The following MAP3K20 variants were observed in gnomAD, a reference collection of about 807,000 sequenced individuals.
MAP3K20 encodes the protein HCCS-4.
In MAP3K20, 40 loss-of-function variants were observed where a neutral mutation model predicts 85.7. The observed-to-expected ratio is 0.47, with a 90% CI of 0.36 to 0.61. The LOEUF is 0.61. Ranked by LOEUF, MAP3K20 falls within the 20% of genes least tolerant of loss-of-function variation. MAP3K20 has a pLI of 0.00. For missense variants in MAP3K20, 817 were observed against 961.7 expected (o/e 0.85, Z 1.99); for synonymous variants, 325 against 327.7 (o/e 0.99, Z 0.09).
intron 16 of MAP3K20, among the ~76,000 whole-genome samples, chr2:173,251,312 C>T (rs1404667971): frequency 6.6e-6 from 1 of 152,054 alleles, no homozygotes; most frequent in African/African-American, 2.4e-5. Flanking sequence ...GTTGATTTTA[C>T]TTTTTCTCCA....
rs1685446965 is a variant in MAP3K20 at position 173,267,252 on chromosome 2, TAAA to T, written c.*504_*506del. The T allele has an allele frequency of 6.6e-6, 1 of 152,254 alleles. No homozygotes were observed. Among genetic ancestry groups the T allele is most frequent in the South Asian group, 2.1e-4 (1 of 4,830 alleles). The allele number at this position is 152,254 out of a possible 1,614,324, so 9.4% of individuals were successfully genotyped here. On this transcript the variant is annotated 3_prime_UTR_variant, in exon 20 of 20. Transcript: ENST00000375213. ...GCATTTATTTTTTTAAATATTGCAT[TAAA>T]ATATCATTTAGCTTGATTATCGAGT... is the stretch of plus-strand genomic sequence containing the variant.
rs372996107 is a variant in MAP3K20, at chr2:173,242,758, G to A, written c.1359+3262G>A. Among the ~76,000 whole-genome samples the A allele has an allele frequency of 1.0e-3, 141 of 138,120 alleles. 4 individuals carry two copies. In the South Asian group the frequency reaches 0.032, roughly 32 times the overall value. The allele number at this position is 138,120 out of a possible 152,430, so 90.6% of individuals were successfully genotyped here. On this transcript the variant is annotated intron_variant, in intron 16 of 19. Coordinates refer to ENST00000375213, the MANE Select transcript of MAP3K20 (RefSeq NM_016653.3). The stretch of plus-strand genomic sequence containing the variant: ...GTCTCCTTCTGTTGCCCAGGCTGGA[G>A]TGCAGTGGTGCAATCTCGGCTCACT...
At position 173,217,111 on chromosome 2, in the gene MAP3K20, G is replaced by A; in HGVS notation, c.852-4G>A. The A allele has an allele frequency of 6.5e-7, 1 of 1,549,666 alleles. No homozygotes were observed. Among genetic ancestry groups the A allele is most frequent in the Non-Finnish European group, 8.7e-7 (1 of 1,146,484 alleles). ...TGAGACTTACACCAGCTATCCCCGT[G>A]CAGGTGCGAAATTGAGGCAACTCTT... On this transcript the variant is annotated splice_region_variant and splice_polypyrimidine_tract_variant and intron_variant, in intron 10 of 19. Transcript: ENST00000375213.
At chr2:173,178,414 C>T (rs1342170959) in intron 3 of MAP3K20, among the ~76,000 whole-genome samples, 1 of 152,152 alleles carries the variant, frequency 6.6e-6, no homozygotes, top group East Asian at 1.9e-4. Context: ...GAGGCCAAGG[C>T]AGGCAGATCA....
intron 16 of MAP3K20, among the ~76,000 whole-genome samples, chr2:173,256,510 TAGATAGATAGATAGATAGATAGACAGAC>T (rs1685164452): frequency 7.7e-6 from 1 of 130,148 alleles, no homozygotes; most frequent in Non-Finnish European, 1.6e-5. Context: ...GATAGATAGA[TAGATAGATAGATAGATAGATAGACAGAC>T]AGACAGACAG....
chr2:173,231,204 C>T (rs895943488), intron 12 of MAP3K20, among the ~76,000 whole-genome samples: 1 of 152,222 alleles, frequency 6.6e-6, no homozygotes, highest in East Asian at 1.9e-4. Context: ...ATCTGTTTAC[C>T]TAGCTCAACC....
intron 1 of MAP3K20, among the ~76,000 whole-genome samples, chr2:173,079,061 A>G (rs1686942882): frequency 6.6e-6 from 1 of 152,172 alleles, no homozygotes; most frequent in South Asian, 2.1e-4. Flanking sequence ...CTGTGTTGTT[A>G]CGTGATGTTG....
At chr2:173,129,027 G>T (rs1356294179) in intron 2 of MAP3K20, among the ~76,000 whole-genome samples, 1 of 149,630 alleles carries the variant, frequency 6.7e-6, no homozygotes, top group African/African-American at 2.5e-5. Flanking sequence ...GGGTTCAAGC[G>T]ATTGTCCTGC....
intron 11 of MAP3K20, among the ~76,000 whole-genome samples, chr2:173,228,463 G>A (rs1046755983): frequency 6.6e-6 from 1 of 152,086 alleles, no homozygotes; most frequent in African/African-American, 2.4e-5. Flanking sequence ...GAATACATCT[G>A]TCTATGGTAT....
intron 2 of MAP3K20, among the ~76,000 whole-genome samples, chr2:173,133,428 GTCAT>G (rs1222146579): frequency 6.6e-6 from 1 of 152,154 alleles, no homozygotes; most frequent in Non-Finnish European, 1.5e-5. Context: ...GAGAGTGAGA[GTCAT>G]TCAGGGACTG....
intron 2 of MAP3K20, among the ~76,000 whole-genome samples, chr2:173,132,878 G>A (rs1688657539): frequency 1.3e-5 from 2 of 152,342 alleles, no homozygotes; most frequent in South Asian, 4.1e-4. Flanking sequence ...TTAGCACAGT[G>A]CCTAGCACAT....
chr2:173,194,015 T>C (rs1690744049), intron 7 of MAP3K20, among the ~76,000 whole-genome samples: 1 of 152,148 alleles, frequency 6.6e-6, no homozygotes, highest in South Asian at 2.1e-4. Context: ...CACCCCATCA[T>C]GTGATGTGGA....
intron 1 of MAP3K20, 84 bp from the exon 2 acceptor site, chr2:173,090,914 C>G: frequency 7.0e-7 from 1 of 1,438,382 alleles, no homozygotes; most frequent in Non-Finnish European, 9.1e-7. Context: ...AGGACTCGTT[C>G]ATGATATATT....
At position 173,241,286 on chromosome 2, in the gene MAP3K20, A is replaced by C. The variant is rs1399531482; in HGVS notation, c.1359+1790A>C. 2.0e-5 allele frequency among the ~76,000 whole-genome samples: 3 copies of C among 152,212 alleles called. No individual in the cohort carries two copies. The East Asian group carries it at 5.8e-4, about 29-fold the overall frequency. ...GGTAATGGATGCCCTCAGTTATCCT[A>C]ATGTGATTATTACATATTATATGCT... On this transcript the variant is annotated intron_variant, in intron 16 of 19. Transcript: ENST00000375213.
Position 173,190,937 on chromosome 2 carries a change from T to A in MAP3K20, c.444+14T>A. 1 of 1,605,418 alleles carries A rather than the reference T, an allele frequency of 6.2e-7. No homozygotes were observed. The highest frequency in any genetic ancestry group is 1.1e-5 in the South Asian group (1 of 89,432). ...GGAGTATTGAAGGTAGGACTATTTC[T>A]TTTACTTAAAAAAATTGTTAATTTC... On this transcript the variant is annotated intron_variant, in intron 6 of 19. Transcript: ENST00000375213.
At chr2:173,090,552 T>C (rs1687263812) in intron 1 of MAP3K20, 1 of 906,588 alleles carries the variant, frequency 1.1e-6, no homozygotes, top group East Asian at 1.2e-4. Flanking sequence ...GTGGCTTAGG[T>C]TGTGTATATT....
At chr2:173,109,702 CCTT>C (rs1384610465) in intron 2 of MAP3K20, among the ~76,000 whole-genome samples, 2 of 152,026 alleles carry the variant, frequency 1.3e-5, no homozygotes, top group East Asian at 3.9e-4. Flanking sequence ...TGTATGGTGA[CCTT>C]CTCTGCTCTC....
intron 14 of MAP3K20, 41 bp downstream of exon 14, chr2:173,232,500 TTTTG>T (rs1684546113): frequency 6.3e-7 from 1 of 1,599,752 alleles, no homozygotes. Context: ...CAAACCCTTT[TTTTG>T]TTTGTTTGGT....
At chr2:173,131,367 A>G (rs898003292) in intron 2 of MAP3K20, among the ~76,000 whole-genome samples, 2 of 152,226 alleles carry the variant, frequency 1.3e-5, no homozygotes, top group African/African-American at 4.8e-5. Context: ...ACATGTTGCC[A>G]TGGATACCCA....
Sources: allele counts gnomAD v4.1 joint callset (sites outside exome capture counted in the v4.1 genomes callset), GRCh38; gene constraint gnomAD v4.1.1; transcripts MANE v1.5; gene names NCBI Gene and HGNC (gene_info 2026-07-23, HGNC 2026-07-21).